SNX18: variants seen among roughly 807,000 people sequenced by gnomAD.
SNX18 encodes sorting nexin 18, also known as sorting nexin-18.
Under a neutral mutation model 48.7 loss-of-function variants are expected in SNX18, and 35 were observed. The ratio of observed to expected loss-of-function variants is 0.72; its 90% CI spans 0.55 to 0.95. SNX18 has a LOEUF of 0.95. Ranked by LOEUF, SNX18 falls within the 40% of genes least tolerant of loss-of-function variation. The pLI is 0.00. For missense variants in SNX18, 824 were observed against 871.0 expected, an observed-to-expected ratio of 0.95 and a Z score of 0.68; for synonymous variants, 492 against 384.7, an observed-to-expected ratio of 1.28 and a Z score of -3.26.
the SNX18 span, among the ~76,000 whole-genome samples, chr5:54,618,946 GA>G: frequency 1.7e-3 from 260 of 150,060 alleles, no homozygotes; most frequent in Non-Finnish European, 3.3e-3. Flanking sequence ...CTGAAAAGTA[GA>G]AAAAAAAAGG....
intron 1 of SNX18, among the ~76,000 whole-genome samples, chr5:54,522,173 T>G (rs1762044908): frequency 1.3e-5 from 2 of 152,248 alleles, no homozygotes; most frequent in Admixed American, 6.5e-5. Flanking sequence ...AACCAGTGTT[T>G]ATCAAGGATG....
At chr5:54,532,864 A>G (rs1237367282) in intron 1 of SNX18, among the ~76,000 whole-genome samples, 1 of 152,224 alleles carries the variant, frequency 6.6e-6, no homozygotes, top group Non-Finnish European at 1.5e-5. Context: ...GTATGACTAT[A>G]TATGCATAGT....
intron 1 of SNX18, among the ~76,000 whole-genome samples, chr5:54,529,625 G>A (rs1351912844): frequency 6.6e-6 from 1 of 150,738 alleles, no homozygotes; most frequent in Admixed American, 6.6e-5. Context: ...TTTTATATAT[G>A]TCCTTTTTTT....
At chr5:54,578,057 A>C in the SNX18 span, among the ~76,000 whole-genome samples, 1 of 152,162 alleles carries the variant, frequency 6.6e-6, no homozygotes, top group African/African-American at 2.4e-5. Flanking sequence ...ATAGCTCTTC[A>C]AGGTGGGGGG....
the SNX18 span, among the ~76,000 whole-genome samples, chr5:54,555,378 C>CTTTTTTT: frequency 2.8e-5 from 4 of 144,552 alleles, no homozygotes; most frequent in Admixed American, 6.9e-5. Context: ...GCATACCTTT[C>CTTTTTTT]TTTTTTTTTT....
At chr5:54,615,671 C>T in the SNX18 span, among the ~76,000 whole-genome samples, 5 of 152,232 alleles carry the variant, frequency 3.3e-5, no homozygotes, top group Non-Finnish European at 7.4e-5. Flanking sequence ...TGGGCTTTAA[C>T]CAAATGTTTC....
At chr5:54,591,222 C>T in the SNX18 span, among the ~76,000 whole-genome samples, 2 of 151,898 alleles carry the variant, frequency 1.3e-5, no homozygotes, top group Non-Finnish European at 2.9e-5. Context: ...TTCTGTCAGC[C>T]AGGCTAGAGT....
the SNX18 span, among the ~76,000 whole-genome samples, chr5:54,639,889 G>A: frequency 6.6e-6 from 1 of 152,232 alleles, no homozygotes; most frequent in Non-Finnish European, 1.5e-5. Flanking sequence ...GGTGGGCAAT[G>A]AGTGAAAGTA....
chr5:54,587,605 T>A, the SNX18 span, among the ~76,000 whole-genome samples: 1 of 152,196 alleles, frequency 6.6e-6, no homozygotes, highest in Non-Finnish European at 1.5e-5. Flanking sequence ...TCATTGTTGG[T>A]GCTGCCAGTG....
the SNX18 span, among the ~76,000 whole-genome samples, chr5:54,630,573 C>A: frequency 6.6e-6 from 1 of 152,124 alleles, no homozygotes; most frequent in Non-Finnish European, 1.5e-5. Context: ...ATGGCTCATG[C>A]TTGTAATCCC....
the SNX18 span, among the ~76,000 whole-genome samples, chr5:54,608,673 T>C: frequency 6.6e-6 from 1 of 152,362 alleles, no homozygotes; most frequent in East Asian, 1.9e-4. Flanking sequence ...GAAGGATGAC[T>C]GGTGTGTCTG....
the SNX18 span, among the ~76,000 whole-genome samples, chr5:54,639,239 G>C: frequency 1.3e-5 from 2 of 152,004 alleles, no homozygotes; most frequent in Admixed American, 1.3e-4. Flanking sequence ...AGCAATCTAG[G>C]GACATGAGCA....
the SNX18 span, among the ~76,000 whole-genome samples, chr5:54,626,746 A>ATGTCAG: frequency 1.1e-4 from 16 of 152,230 alleles, no homozygotes; most frequent in African/African-American, 3.9e-4. Context: ...CTGACAACAA[A>ATGTCAG]TAATTCTCCA....
the SNX18 span, among the ~76,000 whole-genome samples, chr5:54,613,567 T>C: frequency 1.3e-5 from 2 of 152,180 alleles, no homozygotes; most frequent in Non-Finnish European, 2.9e-5. Flanking sequence ...ACAAGAACTT[T>C]GGAGGACACA....
At chr5:54,590,751 C>T in the SNX18 span, among the ~76,000 whole-genome samples, 243 of 152,222 alleles carry the variant, frequency 1.6e-3, 2 homozygotes, top group African/African-American at 5.4e-3. Flanking sequence ...TTTTCTCAGA[C>T]AGTCCCCTGC....
At chr5:54,576,685 A>G in the SNX18 span, among the ~76,000 whole-genome samples, 1 of 152,190 alleles carries the variant, frequency 6.6e-6, no homozygotes, top group South Asian at 2.1e-4. Context: ...GGCATGGCTG[A>G]ATGTTACAAG....
the SNX18 span, among the ~76,000 whole-genome samples, chr5:54,593,484 T>C: frequency 1.3e-5 from 2 of 152,210 alleles, no homozygotes; most frequent in South Asian, 4.1e-4. Flanking sequence ...AAATGATCTA[T>C]AGATCCAACT....
chr5:54,629,671 A>G, the SNX18 span, among the ~76,000 whole-genome samples: 39 of 152,186 alleles, frequency 2.6e-4, no homozygotes, highest in Non-Finnish European at 4.1e-4. Context: ...TTCAATTAAA[A>G]CATTGATTAA....
At chr5:54,536,260 T>C (rs958960696) in intron 1 of SNX18, among the ~76,000 whole-genome samples, 3 of 152,192 alleles carry the variant, frequency 2.0e-5, no homozygotes, top group South Asian at 4.1e-4. Context: ...CTTTAAGTTC[T>C]AGGGTACATG....
Sources: gnomAD v4.1 joint callset for allele counts (sites outside exome capture counted in the v4.1 genomes callset) on GRCh38, gnomAD v4.1.1 for gene constraint, MANE v1.5 for transcripts, NCBI Gene and HGNC (gene_info 2026-07-23, HGNC 2026-07-21) for gene names.